NPM1: variants seen among roughly 807,000 people sequenced by gnomAD.
NPM1 encodes nucleophosmin.
A neutral mutation model predicts 44.1 loss-of-function variants in NPM1; 1 was observed. The observed-to-expected ratio is 0.02, with a 90% CI of 0.01 to 0.11. The LOEUF (loss-of-function observed/expected upper bound fraction) is 0.11. Ranked by LOEUF, NPM1 falls within the 10% of genes least tolerant of loss-of-function variation. The probability of loss-of-function intolerance (pLI) is 1.00; values close to 1 mark genes in which losing one functional copy is unlikely to be tolerated. For synonymous variants in NPM1, 126 were observed against 111.8 expected (o/e 1.13, Z -0.80); for missense variants, 197 against 347.8 (o/e 0.57, Z 3.45).
rs1771311570 is a variant in NPM1, at chr5:171,403,028, T to TGATAATTCTTGGGTGTTTCTCA, written c.669+2104_669+2125dup. Among the ~76,000 whole-genome samples the TGATAATTCTTGGGTGTTTCTCA allele has an allele frequency of 6.0e-5, 8 of 133,714 alleles. No homozygotes were observed. The South Asian group carries it at 2.1e-3, about 35-fold the overall frequency. The allele number at this position is 133,714 out of a possible 152,430, so 87.7% of individuals were successfully genotyped here. ...TTTTTTTTTTAATTTATTTTTTTAT[T>TGATAATTCTTGGGTGTTTCTCA]GATAATTCTTGGGTGTTTCTCACAG... is the stretch of plus-strand genomic sequence containing the variant. On this transcript the variant is annotated intron_variant, in intron 8 of 10. Transcript: ENST00000296930.
At chr5:171,395,487 A>T (rs1283072096) in intron 6 of NPM1, among the ~76,000 whole-genome samples, 2 of 152,018 alleles carry the variant, frequency 1.3e-5, no homozygotes, top group Non-Finnish European at 2.9e-5. Context: ...TTTAGTAGAG[A>T]CGGGGTTTCA....
Position 171,400,228 on chromosome 5 carries a change from T to C in NPM1, c.582+18T>C, listed in dbSNP as rs1375260014. ...TGAAGAAAGTGAGTAGATACAATGC[T>C]ACAAGGTTGTTAAACTAACAATAGA... is the stretch of plus-strand genomic sequence containing the variant. On this transcript the variant is annotated intron_variant, in intron 7 of 10. Coordinates refer to ENST00000296930, the MANE Select transcript of NPM1 (RefSeq NM_002520.7). 3.7e-6 allele frequency: 6 copies of C among 1,613,306 alleles called. No homozygotes were observed. The East Asian group carries it at 8.9e-5, about 24-fold the overall frequency.
At chr5:171,406,206 T>C (rs1002943374) in intron 9 of NPM1, among the ~76,000 whole-genome samples, 1 of 152,156 alleles carries the variant, frequency 6.6e-6, no homozygotes, top group Non-Finnish European at 1.5e-5. Context: ...AGTAGATTCC[T>C]TGTACAGTGA....
intron 4 of NPM1, 41 bp downstream of exon 4, chr5:171,391,840 T>G (rs776221894): frequency 3.4e-5 from 42 of 1,230,902 alleles, no homozygotes; most frequent in Non-Finnish European, 4.6e-5. Flanking sequence ...GTTTGTCCTC[T>G]TTAGTGCAGT....
intron 9 of NPM1, chr5:171,406,298 C>T (rs1248020646): frequency 2.9e-6 from 3 of 1,025,012 alleles, no homozygotes; most frequent in Non-Finnish European, 4.6e-6. Context: ...TCCTGGTTAT[C>T]ACTGATTTTT....
intron 6 of NPM1, among the ~76,000 whole-genome samples, chr5:171,394,017 T>TTTGACTG (rs934574644): frequency 4.6e-5 from 7 of 151,650 alleles, no homozygotes; most frequent in African/African-American, 1.7e-4. Flanking sequence ...AAAGGTAGTA[T>TTTGACTG]TTGACTGTTG....
chr5:171,397,415 T>TCTGATTTCACTCCAACCTA (rs1286275019), intron 6 of NPM1, among the ~76,000 whole-genome samples: 2 of 152,196 alleles, frequency 1.3e-5, no homozygotes, highest in Non-Finnish European at 2.9e-5. Context: ...GTATGGGGCT[T>TCTGATTTCACTCCAACCTA]CTGATTTCAC....
rs1770316313 is a variant in NPM1, at chr5:171,387,869, T to C, written c.-80T>C. 3 of 1,318,510 alleles carry C rather than the reference T, an allele frequency of 2.3e-6. No individual in the cohort carries two copies. The highest frequency in any genetic ancestry group is 2.3e-5 in the East Asian group (1 of 43,354). 81.7% of individuals were successfully genotyped at this position (1,318,510 alleles called of 1,614,324 possible). On this transcript the variant is annotated 5_prime_UTR_variant, in exon 1 of 11. Coordinates refer to ENST00000296930, the MANE Select transcript of NPM1 (RefSeq NM_002520.7). ...GCGTCCTTTCCCTGGTGTGATTCCG[T>C]CCTGCGCGGTTGTTCTCTGGAGCAG...
intron 8 of NPM1, among the ~76,000 whole-genome samples, chr5:171,403,621 TGGCCGGGCAGGGG>T: frequency 8.8e-6 from 1 of 113,992 alleles, no homozygotes; most frequent in Non-Finnish European, 1.9e-5. Flanking sequence ...ACGGGGCGGC[TGGCCGGGCAGGGG>T]GGCTGACCCC....
At chr5:171,400,355 A>G (rs1386931645) in intron 7 of NPM1, 145 bp downstream of exon 7, 1 of 589,112 alleles carries the variant, frequency 1.7e-6, no homozygotes, top group African/African-American at 2.3e-5. Context: ...GATTACAGAA[A>G]ACTTAAGAGT....
chr5:171,402,009 C>G lies in NPM1; in HGVS notation c.669+1084C>G, dbSNP rs372880520. ...TCTGGGGTGGGCGCCAGGCATCAGA[C>G]TACAGTGACTTTCTTGCTTTATTCT... is the stretch of plus-strand genomic sequence containing the variant. On this transcript the variant is annotated intron_variant, in intron 8 of 10. Coordinates refer to ENST00000296930, the MANE Select transcript of NPM1 (RefSeq NM_002520.7). 1.1e-4 allele frequency among the ~76,000 whole-genome samples: 16 copies of G among 149,232 alleles called. No homozygotes were observed. The South Asian group carries it at 3.4e-3, about 32-fold the overall frequency.
At chr5:171,390,724 C>A (rs1004930067) in intron 2 of NPM1, among the ~76,000 whole-genome samples, 23 of 118,544 alleles carry the variant, frequency 1.9e-4, no homozygotes, top group Non-Finnish European at 4.2e-4. Flanking sequence ...ATATACCTTT[C>A]CTGTTTTTTT....
chr5:171,390,011 T>C (rs1421867642), intron 1 of NPM1, 40 bp from the exon 2 acceptor site: 2 of 1,266,314 alleles, frequency 1.6e-6, no homozygotes, highest in East Asian at 2.4e-5. Context: ...TTCAGTGTTA[T>C]TTTTCTCCTT....
chr5:171,388,547 G>GC (rs1305997813), intron 1 of NPM1, among the ~76,000 whole-genome samples: 1 of 151,510 alleles, frequency 6.6e-6, no homozygotes, highest in Non-Finnish European at 1.5e-5. Context: ...GCGCGGCGCG[G>GC]CGTGAGGAGG....
intron 1 of NPM1, among the ~76,000 whole-genome samples, chr5:171,389,629 A>G (rs1464021175): frequency 6.6e-6 from 1 of 152,192 alleles, no homozygotes; most frequent in African/African-American, 2.4e-5. Flanking sequence ...CTTTTGTAAT[A>G]GTAAGCTATT....
intron 6 of NPM1, among the ~76,000 whole-genome samples, chr5:171,397,730 C>A (rs1220812384): frequency 6.6e-6 from 1 of 151,498 alleles, no homozygotes; most frequent in Admixed American, 6.6e-5. Flanking sequence ...CTCCTGTCTT[C>A]AGTGATCCAC....
At chr5:171,404,089 C>T (rs1435117669) in intron 8 of NPM1, among the ~76,000 whole-genome samples, 1 of 68,768 alleles carries the variant, frequency 1.5e-5, no homozygotes, top group Admixed American at 1.2e-4. Context: ...GGGGGGCTGA[C>T]CCCCCCACCT....
chr5:171,407,518 T>TA lies in NPM1; in HGVS notation c.772-181dup, dbSNP rs1771636274. ...GGCAAATCTGTTTGAATAGAGATAC[T>TA]AGCCATGCTGCCCAATAGGGCTTTC... On this transcript the variant is annotated intron_variant, in intron 9 of 10. Transcript: ENST00000296930. 5.0e-6 allele frequency: 3 copies of TA among 598,498 alleles called. No individual in the cohort carries two copies. In the East Asian group the frequency reaches 8.9e-5, roughly 18 times the overall value. 37.1% of individuals were successfully genotyped at this position (598,498 alleles called of 1,614,324 possible).
At chr5:171,400,029 G>C in intron 6 of NPM1, 124 bp from the exon 7 acceptor site, 1 of 651,958 alleles carries the variant, frequency 1.5e-6, no homozygotes, top group Non-Finnish European at 2.8e-6. Flanking sequence ...TCACCTCTTG[G>C]CTGTTGTGAA....
Sources: gnomAD v4.1 joint callset for allele counts (sites outside exome capture counted in the v4.1 genomes callset) on GRCh38, gnomAD v4.1.1 for gene constraint, MANE v1.5 for transcripts, NCBI Gene and HGNC (gene_info 2026-07-23, HGNC 2026-07-21) for gene names.